Variants in ZNF385D observed in about 807,000 individuals in gnomAD.
ZNF385D encodes the protein zinc finger protein 659.
ZNF385D carries 15 observed loss-of-function variants against 35.8 expected under a neutral mutation model. The observed-to-expected ratio is 0.42, with a 90% CI of 0.28 to 0.64. ZNF385D has a LOEUF of 0.64. Among genes scored for constraint, ZNF385D ranks in the 30% least tolerant of loss-of-function variants. ZNF385D has a pLI of 0.23. For missense variants in ZNF385D, 474 were observed against 494.6 expected (o/e 0.96, Z 0.39); for synonymous variants, 212 against 186.8 (o/e 1.13, Z -1.10).
chr3:21,771,467 A>G (rs1017197409), intron 3 of ZNF385D, among the ~76,000 whole-genome samples: 15 of 152,110 alleles, frequency 9.9e-5, no homozygotes, highest in Middle Eastern at 3.4e-3. Context: ...AGGAATAGAA[A>G]TGTATGGAAC....
intron 2 of ZNF385D, among the ~76,000 whole-genome samples, chr3:22,185,818 G>T (rs1257807627): frequency 6.6e-6 from 1 of 152,100 alleles, no homozygotes; most frequent in Non-Finnish European, 1.5e-5. Flanking sequence ...AAAGCACCCT[G>T]GGGAGAAAGA....
At chr3:21,566,709 A>ATAAT (rs2063160793) in intron 2 of ZNF385D, among the ~76,000 whole-genome samples, 1 of 152,172 alleles carries the variant, frequency 6.6e-6, no homozygotes, top group African/African-American at 2.4e-5. Flanking sequence ...GTATTGTATA[A>ATAAT]TAATTTACAT....
At chr3:21,865,077 T>TTTTTA (rs1697274331) in intron 3 of ZNF385D, among the ~76,000 whole-genome samples, 1 of 109,238 alleles carries the variant, frequency 9.2e-6, no homozygotes, top group Non-Finnish European at 1.9e-5. Flanking sequence ...TTTTTTTTTT[T>TTTTTA]GAGAGGAGGA....
At position 21,761,978 on chromosome 3, in the gene ZNF385D, A is replaced by C. The variant is rs557073812; in HGVS notation, c.326-96950T>G. ...ACTGCAACCTCTGACTTCCTGGTTC[A>C]AGCAATTCTCCTGCCTCAGCCTCCC... is the stretch of plus-strand genomic sequence containing the variant. On this transcript the variant is annotated intron_variant, in intron 3 of 5. Transcript: ENST00000494108. Among the ~76,000 whole-genome samples the C allele has an allele frequency of 1.8e-3, 252 of 141,952 alleles. 2 individuals carry two copies. Among genetic ancestry groups the C allele is most frequent in the Non-Finnish European group, 1.7e-3 (115 of 66,952 alleles). The allele number at this position is 141,952 out of a possible 152,430, so 93.1% of individuals were successfully genotyped here.
chr3:22,337,576 A>AC lies in ZNF385D; in HGVS notation c.106+34873dup, dbSNP rs1482069751. On this transcript the variant is annotated intron_variant, in intron 2 of 5. Transcript: ENST00000494108. ...AATACAGTTAAAATACTCATTTGGT[A>AC]CACTTGGTATTAGAACTCACCGAAA... 2.0e-5 allele frequency among the ~76,000 whole-genome samples: 3 copies of AC among 152,160 alleles called. No individual in the cohort carries two copies. The East Asian group carries it at 5.8e-4, about 29-fold the overall frequency.
chr3:21,955,981 T>C (rs1176297456), intron 3 of ZNF385D, among the ~76,000 whole-genome samples: 2 of 152,006 alleles, frequency 1.3e-5, no homozygotes, highest in Non-Finnish European at 2.9e-5. Flanking sequence ...AGCTCAGGTA[T>C]ATGAAACGAG....
chr3:21,699,823 CT>C (rs1006362754), intron 1 of ZNF385D, among the ~76,000 whole-genome samples: 1,159 of 88,948 alleles, frequency 0.013, 2 homozygotes, highest in African/African-American at 0.038. Flanking sequence ...GTTTCTTTTC[CT>C]TTTTTTTTTT....
At chr3:21,710,960 T>A (rs1575508455) in intron 1 of ZNF385D, among the ~76,000 whole-genome samples, 1 of 151,562 alleles carries the variant, frequency 6.6e-6, no homozygotes, top group East Asian at 1.9e-4. Flanking sequence ...CCCCATTCCT[T>A]CCTCTATCAT....
intron 3 of ZNF385D, among the ~76,000 whole-genome samples, chr3:21,967,867 A>AT (rs1447005504): frequency 6.6e-6 from 1 of 152,214 alleles, no homozygotes; most frequent in Non-Finnish European, 1.5e-5. Flanking sequence ...CACCAAATTG[A>AT]TTGACTATCC....
At chr3:21,661,932 TA>T (rs1206701020) in intron 2 of ZNF385D, among the ~76,000 whole-genome samples, 3 of 152,194 alleles carry the variant, frequency 2.0e-5, no homozygotes, top group Non-Finnish European at 4.4e-5. Flanking sequence ...TATCCACTTA[TA>T]TTTTTTATAC....
chr3:21,729,296 T>C (rs774150746), intron 1 of ZNF385D, among the ~76,000 whole-genome samples: 5 of 152,214 alleles, frequency 3.3e-5, no homozygotes, highest in Admixed American at 6.5e-5. Context: ...AATTTGCTTA[T>C]TAAGGCATCT....
At chr3:22,221,700 C>A (rs981307041) in intron 2 of ZNF385D, among the ~76,000 whole-genome samples, 3 of 152,098 alleles carry the variant, frequency 2.0e-5, no homozygotes, top group Non-Finnish European at 4.4e-5. Flanking sequence ...TATAGACATA[C>A]TAATGGTTTG....
chr3:22,315,583 T>G (rs1575104089), intron 2 of ZNF385D, among the ~76,000 whole-genome samples: 1 of 151,840 alleles, frequency 6.6e-6, no homozygotes, highest in East Asian at 1.9e-4. Context: ...ACGGAAGGAG[T>G]TATGTCACTG....
chr3:21,510,329 T>A (rs1176926555), intron 4 of ZNF385D, among the ~76,000 whole-genome samples: 1 of 152,142 alleles, frequency 6.6e-6, no homozygotes, highest in Non-Finnish European at 1.5e-5. Flanking sequence ...AACACTTACC[T>A]GTGTTTGCAG....
chr3:21,991,360 T>C lies in ZNF385D; in HGVS notation c.325+177457A>G, dbSNP rs188848200. ...CAAAATCATGCTCTCAGCTTTCAGA[T>C]CTATAGCCACATGCCACCACAAAGC... On this transcript the variant is annotated intron_variant, in intron 3 of 5. Coordinates refer to the ZNF385D transcript ENST00000494108. Among the ~76,000 whole-genome samples, 14 of 152,308 alleles carry C rather than the reference T, an allele frequency of 9.2e-5. No individual in the cohort carries two copies. In the East Asian group the frequency reaches 2.5e-3, roughly 27 times the overall value.
intron 3 of ZNF385D, among the ~76,000 whole-genome samples, chr3:22,144,758 A>G (rs181713700): frequency 1.5e-4 from 23 of 152,194 alleles, no homozygotes; most frequent in East Asian, 5.8e-4. Context: ...GCAAGTTCAT[A>G]TTCACAACAA....
At chr3:21,789,864 C>G (rs761863086) in intron 3 of ZNF385D, among the ~76,000 whole-genome samples, 1 of 152,154 alleles carries the variant, frequency 6.6e-6, no homozygotes, top group Non-Finnish European at 1.5e-5. Flanking sequence ...TATGTGGCTT[C>G]TTGGGTTCTT....
chr3:22,270,510 T>G (rs759784339), intron 2 of ZNF385D, among the ~76,000 whole-genome samples: 11 of 152,088 alleles, frequency 7.2e-5, no homozygotes, highest in Non-Finnish European at 1.5e-4. Flanking sequence ...AACTTATAAT[T>G]AAATTAATAG....
chr3:21,869,982 A>G (rs1697597176), intron 3 of ZNF385D, among the ~76,000 whole-genome samples: 1 of 152,176 alleles, frequency 6.6e-6, no homozygotes, highest in Non-Finnish European at 1.5e-5. Context: ...ATAAAAAGAT[A>G]TATTTTTATA....
Sources: gnomAD v4.1 joint callset for allele counts (sites outside exome capture counted in the v4.1 genomes callset) on GRCh38, gnomAD v4.1.1 for gene constraint, MANE v1.5 for transcripts, NCBI Gene and HGNC (gene_info 2026-07-23, HGNC 2026-07-21) for gene names.